Variants in NUBPL observed in about 807,000 individuals in gnomAD.
The protein encoded by NUBPL is iron-sulfur cluster transfer protein NUBPL.
NUBPL carries 31 observed loss-of-function variants against 45.7 expected under a neutral mutation model. The ratio of observed to expected loss-of-function variants is 0.68; its 90% CI spans 0.51 to 0.92. The LOEUF is 0.92. Among genes scored for constraint, NUBPL ranks in the 40% least tolerant of loss-of-function variants. The pLI is 0.00. For missense variants in NUBPL, 401 were observed against 398.7 expected, an observed-to-expected ratio of 1.01 and a Z score of -0.05; for synonymous variants, 144 against 140.9, an observed-to-expected ratio of 1.02 and a Z score of -0.15.
At chr14:31,773,032 A>G (rs2039036935) in intron 6 of NUBPL, among the ~76,000 whole-genome samples, 1 of 152,180 alleles carries the variant, frequency 6.6e-6, no homozygotes, top group Non-Finnish European at 1.5e-5. Flanking sequence ...TACCTGAACA[A>G]TCTCAAGGAT....
At chr14:31,675,580 G>T (rs2036674739) in intron 6 of NUBPL, among the ~76,000 whole-genome samples, 1 of 152,118 alleles carries the variant, frequency 6.6e-6, no homozygotes, top group African/African-American at 2.4e-5. Flanking sequence ...TTATCCCAAA[G>T]TTGAAACACC....
At chr14:31,688,735 G>A (rs776718631) in intron 6 of NUBPL, among the ~76,000 whole-genome samples, 71 of 150,266 alleles carry the variant, frequency 4.7e-4, no homozygotes, top group Non-Finnish European at 8.4e-4. Context: ...TTTCAGGGGG[G>A]TTTGTTGTAC....
At chr14:31,628,315 A>T (rs1308151560) in intron 4 of NUBPL, among the ~76,000 whole-genome samples, 1 of 152,202 alleles carries the variant, frequency 6.6e-6, no homozygotes, top group Non-Finnish European at 1.5e-5. Context: ...TTATAACATC[A>T]TGTATTGCTC....
At chr14:31,801,152 C>G (rs779066612) in intron 7 of NUBPL, 3 of 152,310 alleles carry the variant, frequency 2.0e-5, no homozygotes, top group Non-Finnish European at 2.9e-5. Context: ...AGAACTGCTA[C>G]AAGGCAGGAA....
At chr14:31,615,451 C>T (rs1001940194) in intron 4 of NUBPL, among the ~76,000 whole-genome samples, 1 of 152,070 alleles carries the variant, frequency 6.6e-6, no homozygotes, top group African/African-American at 2.4e-5. Flanking sequence ...CCCTAGCCCC[C>T]CCAACTCACT....
At chr14:31,699,595 C>G (rs1245625567) in intron 6 of NUBPL, among the ~76,000 whole-genome samples, 2 of 151,594 alleles carry the variant, frequency 1.3e-5, no homozygotes, top group African/African-American at 2.4e-5. Flanking sequence ...TAAATTTTTG[C>G]TTGAAAGATT....
At chr14:31,836,260 A>G (rs1029305816) in intron 8 of NUBPL, among the ~76,000 whole-genome samples, 1 of 152,188 alleles carries the variant, frequency 6.6e-6, no homozygotes, top group South Asian at 2.1e-4. Flanking sequence ...GTAGCCAGGC[A>G]TGTAGTATTT....
chr14:31,764,988 T>C (rs112912650), intron 6 of NUBPL, among the ~76,000 whole-genome samples: 1 of 152,224 alleles, frequency 6.6e-6, no homozygotes. Context: ...TTTTGTGTTA[T>C]AGGTAAGGGC....
chr14:31,690,941 A>G (rs28842188), intron 6 of NUBPL, among the ~76,000 whole-genome samples: 13,372 of 152,262 alleles, frequency 0.088, 739 homozygotes, highest in African/African-American at 0.15. Context: ...ACATGGCATA[A>G]GGATTTTGAT....
intron 6 of NUBPL, among the ~76,000 whole-genome samples, chr14:31,742,769 A>ATTTTTT (rs34130229): frequency 1.5e-5 from 2 of 136,384 alleles, no homozygotes; most frequent in African/African-American, 5.4e-5. Context: ...AACCCAGCTG[A>ATTTTTT]TTTTTTTTTT....
intron 7 of NUBPL, among the ~76,000 whole-genome samples, chr14:31,806,305 GT>G (rs538890506): frequency 2.0e-5 from 3 of 151,980 alleles, no homozygotes; most frequent in African/African-American, 7.2e-5. Flanking sequence ...CCTCTCTGGA[GT>G]TTTTTTTAGA....
chr14:31,756,812 A>G (rs2038676211), intron 6 of NUBPL, among the ~76,000 whole-genome samples: 1 of 151,952 alleles, frequency 6.6e-6, no homozygotes, highest in South Asian at 2.1e-4. Context: ...GTTTTTGCCC[A>G]TTCAGTATGA....
At chr14:31,733,216 G>A (rs552704927) in intron 6 of NUBPL, among the ~76,000 whole-genome samples, 4 of 152,248 alleles carry the variant, frequency 2.6e-5, no homozygotes, top group South Asian at 4.1e-4. Flanking sequence ...GATATCCCTC[G>A]TATGGAGTGG....
chr14:31,800,543 C>T (rs1246617458), intron 7 of NUBPL, among the ~76,000 whole-genome samples: 7 of 152,150 alleles, frequency 4.6e-5, no homozygotes, highest in African/African-American at 1.2e-4. Context: ...AAAAATGGCA[C>T]GGGTAGACTT....
chr14:31,674,811 A>G (rs1240782860), intron 6 of NUBPL, among the ~76,000 whole-genome samples: 1 of 152,136 alleles, frequency 6.6e-6, no homozygotes, highest in Non-Finnish European at 1.5e-5. Flanking sequence ...TTTGGCAAAA[A>G]CAAGCTCTCT....
chr14:31,798,188 C>G (rs1457229778), intron 7 of NUBPL, among the ~76,000 whole-genome samples: 1 of 152,054 alleles, frequency 6.6e-6, no homozygotes, highest in Non-Finnish European at 1.5e-5. Flanking sequence ...GACTGCTTCT[C>G]ACCCAAGTGT....
chr14:31,597,875 C>G (rs1295345945), intron 3 of NUBPL, among the ~76,000 whole-genome samples: 2 of 151,422 alleles, frequency 1.3e-5, no homozygotes, highest in Non-Finnish European at 2.9e-5. Context: ...GATTTAGGTC[C>G]CCTCATTTGA....
At chr14:31,850,828 G>A (rs1247387228) in intron 10 of NUBPL, among the ~76,000 whole-genome samples, 1 of 151,362 alleles carries the variant, frequency 6.6e-6, no homozygotes, top group Non-Finnish European at 1.5e-5. Flanking sequence ...TCACTATGTT[G>A]TCCAGGTTGG....
At chr14:31,793,847 T>C (rs1289618438) in intron 7 of NUBPL, among the ~76,000 whole-genome samples, 1 of 140,964 alleles carries the variant, frequency 7.1e-6, no homozygotes, top group African/African-American at 2.9e-5. Context: ...TTTTATTTTT[T>C]TTTTTATTTT....
Sources: allele counts gnomAD v4.1 joint callset (sites outside exome capture counted in the v4.1 genomes callset), GRCh38; gene constraint gnomAD v4.1.1; transcripts MANE v1.5; gene names NCBI Gene and HGNC (gene_info 2026-07-23, HGNC 2026-07-21).